The following PCDHA13 variants were observed in gnomAD, a reference collection of about 807,000 sequenced individuals.
The protein encoded by PCDHA13 is protocadherin alpha 13, also known as protocadherin alpha-13.
A neutral mutation model predicts 64.8 loss-of-function variants in PCDHA13; 54 were observed. The ratio of observed to expected loss-of-function variants is 0.83; its 90% CI spans 0.67 to 1.04. The LOEUF (loss-of-function observed/expected upper bound fraction) is 1.04, where lower values mean the gene tolerates loss of function less well. PCDHA13 is among the 50% of genes least tolerant of loss of function. The probability of loss-of-function intolerance (pLI) is 0.00; values close to 1 mark genes in which losing one functional copy is unlikely to be tolerated. For synonymous variants in PCDHA13, 587 were observed against 564.4 expected, an observed-to-expected ratio of 1.04 and a Z score of -0.57; for missense variants, 1,248 against 1,254.3, an observed-to-expected ratio of 0.99 and a Z score of 0.08.
chr5:140,890,452 G>A (rs72800989), intron 1 of PCDHA13, among the ~76,000 whole-genome samples: 2,230 of 151,860 alleles, frequency 0.015, 28 homozygotes, highest in Non-Finnish European at 0.022. Context: ...GATATCTTTA[G>A]GCACAAATAT....
intron 1 of PCDHA13, among the ~76,000 whole-genome samples, chr5:140,954,268 A>C (rs1381458746): frequency 2.0e-5 from 3 of 152,224 alleles, no homozygotes; most frequent in African/African-American, 7.2e-5. Flanking sequence ...TCTTTATAAT[A>C]GGATGATTTA....
At position 140,970,818 on chromosome 5, in the gene PCDHA13, G is replaced by A. The variant is rs77234853; in HGVS notation, c.2395-8131G>A. Among the ~76,000 whole-genome samples, 569 of 152,084 alleles carry A rather than the reference G, an allele frequency of 3.7e-3. 1 individual carries two copies. The highest frequency in any genetic ancestry group is 5.8e-3 in the South Asian group (28 of 4,824). On this transcript the variant is annotated intron_variant, in intron 1 of 3. Coordinates refer to ENST00000289272, the MANE Select transcript of PCDHA13 (RefSeq NM_018904.3). ...CATATTGTTACATTTCAAGTTCATGGTAATCTTGAGGAATGTAATGCACAG... is the reference window on the plus strand; with the variant it reads ...CATATTGTTACATTTCAAGTTCATGATAATCTTGAGGAATGTAATGCACAG...
In PCDHA13 at chr5:140,946,611, A is replaced by AATATATATATATAT. The variant is rs1554217734; in HGVS notation, c.2395-32330_2395-32317dup. Among the ~76,000 whole-genome samples the AATATATATATATAT allele has an allele frequency of 6.8e-3, 593 of 86,748 alleles. 22 individuals are homozygous for AATATATATATATAT. Among genetic ancestry groups the AATATATATATATAT allele is most frequent in the African/African-American group, 0.021 (323 of 15,664 alleles). The allele number at this position is 86,748 out of a possible 152,430, so 56.9% of individuals were successfully genotyped here. A position where few individuals can be genotyped will look rare whatever the true frequency, so the allele number is the denominator to read the frequency against. On this transcript the variant is annotated intron_variant, in intron 1 of 3. Coordinates refer to ENST00000289272, the MANE Select transcript of PCDHA13 (RefSeq NM_018904.3). ...GGATGAATAGATAAAGAAAATGTGA[A>AATATATATATATAT]ATATATATATATATATATATACAAT... is the stretch of plus-strand genomic sequence containing the variant.
At chr5:140,914,807 A>G (rs929659841) in intron 1 of PCDHA13, among the ~76,000 whole-genome samples, 2 of 152,330 alleles carry the variant, frequency 1.3e-5, no homozygotes, top group Middle Eastern at 3.4e-3. Context: ...ACTGATGGCA[A>G]CTTAACAGAC....
chr5:140,929,205 G>A (rs201292001), intron 1 of PCDHA13: 14 of 1,614,120 alleles, frequency 8.7e-6, no homozygotes, highest in Non-Finnish European at 1.2e-5. Flanking sequence ...GTTTGCTGTT[G>A]CGTGGGGAGT....
chr5:140,925,108 G>GGGAA (rs1299910272), intron 1 of PCDHA13, among the ~76,000 whole-genome samples: 1 of 124,780 alleles, frequency 8.0e-6, no homozygotes, highest in East Asian at 2.1e-4. Flanking sequence ...GAAGGAAGGA[G>GGGAA]GGAAGGAAGG....
chr5:140,891,694 T>A (rs1302084074), intron 1 of PCDHA13, among the ~76,000 whole-genome samples: 1 of 152,236 alleles, frequency 6.6e-6, no homozygotes, highest in East Asian at 1.9e-4. Flanking sequence ...TTCTTGCTGT[T>A]GTCTGAATTT....
intron 1 of PCDHA13, among the ~76,000 whole-genome samples, chr5:140,960,408 A>C (rs1006586468): frequency 6.6e-6 from 1 of 152,206 alleles, no homozygotes; most frequent in Admixed American, 6.5e-5. Flanking sequence ...GGGGGTGCCC[A>C]AAAAGTCAAC....
intron 1 of PCDHA13, among the ~76,000 whole-genome samples, chr5:140,907,882 G>T (rs895415928): frequency 6.6e-6 from 1 of 152,168 alleles, no homozygotes; most frequent in Non-Finnish European, 1.5e-5. Context: ...GCACTCACAT[G>T]GGATACAAAT....
chr5:140,947,103 G>A (rs1355984234), intron 1 of PCDHA13, among the ~76,000 whole-genome samples: 1 of 151,176 alleles, frequency 6.6e-6, no homozygotes, highest in Admixed American at 6.6e-5. Flanking sequence ...CCATAAATAG[G>A]TACGTGTCAA....
At position 141,010,458 on chromosome 5, in the gene PCDHA13, T is replaced by C. The variant is rs2098417373; in HGVS notation, c.*521T>C. The C allele has an allele frequency of 1.1e-6, 1 of 871,194 alleles. No individual in the cohort carries two copies. The highest frequency in any genetic ancestry group is 1.7e-6 in the Non-Finnish European group (1 of 592,130). 54.0% of individuals were successfully genotyped at this position (871,194 alleles called of 1,614,324 possible). On this transcript the variant is annotated 3_prime_UTR_variant, in exon 4 of 4. Coordinates refer to ENST00000289272, the MANE Select transcript of PCDHA13 (RefSeq NM_018904.3). ...AAAGACAAATAAACAGCGGAAGTTA[T>C]CAGTATGGAGGGGAAGTGTAAACTT...
intron 3 of PCDHA13, among the ~76,000 whole-genome samples, chr5:140,987,227 AT>A (rs1395687024): frequency 4.6e-5 from 7 of 151,696 alleles, no homozygotes; most frequent in African/African-American, 1.7e-4. Context: ...AAAAAAAAAA[AT>A]AATAAATAAA....
chr5:140,888,513 A>C (rs1208227299), intron 1 of PCDHA13, among the ~76,000 whole-genome samples: 5 of 152,216 alleles, frequency 3.3e-5, no homozygotes, highest in African/African-American at 4.8e-5. Context: ...TCTTGGACTT[A>C]GTTCTGACGT....
rs551245842 is a variant in PCDHA13, at chr5:140,927,508, C to G, written c.2394+42846C>G. 3.7e-6 allele frequency: 6 copies of G among 1,614,074 alleles called. No individual in the cohort carries two copies. In the Admixed American group the frequency reaches 5.0e-5, roughly 13 times the overall value. ...CACCCACCTGCTGGTGCTTACAGCT[C>G]GGGACGGCGGGCTACCTGCCCGCTC... On this transcript the variant is annotated intron_variant, in intron 1 of 3. Coordinates refer to ENST00000289272, the MANE Select transcript of PCDHA13 (RefSeq NM_018904.3).
At chr5:140,931,779 T>G (rs1298337220) in intron 1 of PCDHA13, among the ~76,000 whole-genome samples, 1 of 152,006 alleles carries the variant, frequency 6.6e-6, no homozygotes, top group African/African-American at 2.4e-5. Context: ...CCTGTTCAAT[T>G]ACCTATTGAT....
At chr5:140,929,258 T>C (rs1288767035) in intron 1 of PCDHA13, 2 of 1,612,832 alleles carry the variant, frequency 1.2e-6, no homozygotes, top group Non-Finnish European at 1.7e-6. Flanking sequence ...GGGGTAGGAC[T>C]GAATTTGCCA....
At chr5:140,904,447 C>T (rs2071139964) in intron 1 of PCDHA13, among the ~76,000 whole-genome samples, 1 of 151,118 alleles carries the variant, frequency 6.6e-6, no homozygotes, top group Non-Finnish European at 1.5e-5. Flanking sequence ...ATTACAATTT[C>T]TTTATACACT....
chr5:140,996,557 T>C (rs1200836194), intron 3 of PCDHA13, among the ~76,000 whole-genome samples: 3 of 152,226 alleles, frequency 2.0e-5, no homozygotes, highest in Admixed American at 6.5e-5. Context: ...GTCACTATCT[T>C]GAAGTTCTTG....
chr5:140,917,260 G>A (rs2077984179), intron 1 of PCDHA13, among the ~76,000 whole-genome samples: 2 of 143,736 alleles, frequency 1.4e-5, no homozygotes, highest in South Asian at 4.4e-4. Flanking sequence ...CTCACCTGAT[G>A]TTTGGTTTTT....
Sources: allele counts gnomAD v4.1 joint callset (sites outside exome capture counted in the v4.1 genomes callset), GRCh38; gene constraint gnomAD v4.1.1; transcripts MANE v1.5; gene names NCBI Gene and HGNC (gene_info 2026-07-23, HGNC 2026-07-21).